Variants in RYR2 observed in about 807,000 individuals in gnomAD.
RYR2 encodes the protein cardiac muscle ryanodine receptor-calcium release channel.
A neutral mutation model predicts 601.1 loss-of-function variants in RYR2; 227 were observed. The ratio of observed to expected loss-of-function variants is 0.38; its 90% CI spans 0.34 to 0.42. The LOEUF (loss-of-function observed/expected upper bound fraction) is 0.42. RYR2 is among the 10% of genes least tolerant of loss of function. RYR2 has a pLI of 1.00. For synonymous variants in RYR2, 2,223 were observed against 2,175.1 expected, an observed-to-expected ratio of 1.02 and a Z score of -0.61; for missense variants, 4,646 against 6,156.5, an observed-to-expected ratio of 0.75 and a Z score of 8.21.
chr1:237,331,597 G>C (rs577832545), intron 3 of RYR2, among the ~76,000 whole-genome samples: 7 of 152,020 alleles, frequency 4.6e-5, no homozygotes, highest in African/African-American at 1.7e-4. Context: ...CTGCCTCCCG[G>C]GTTCATGCCA....
intron 100 of RYR2, among the ~76,000 whole-genome samples, chr1:237,811,805 G>A (rs895141485): frequency 6.6e-6 from 1 of 152,082 alleles, no homozygotes; most frequent in Non-Finnish European, 1.5e-5. Context: ...TTCCTGTCAC[G>A]ATTGCCGTTC....
At chr1:237,659,403 A>G (rs572643639) in intron 54 of RYR2, among the ~76,000 whole-genome samples, 1 of 152,348 alleles carries the variant, frequency 6.6e-6, no homozygotes, top group South Asian at 2.1e-4. Flanking sequence ...AAGAAATTAT[A>G]TAGGGAAATG....
intron 4 of RYR2, among the ~76,000 whole-genome samples, chr1:237,361,949 A>G (rs555502304): frequency 6.6e-6 from 1 of 152,306 alleles, no homozygotes; most frequent in East Asian, 1.9e-4. Context: ...TTTTAGATCT[A>G]CTACACTGAG....
chr1:237,212,728 C>T (rs1050410738), intron 1 of RYR2, among the ~76,000 whole-genome samples: 18 of 152,278 alleles, frequency 1.2e-4, no homozygotes, highest in Non-Finnish European at 2.2e-4. Flanking sequence ...CATTCCAACA[C>T]ATGGAAAATA....
intron 14 of RYR2, among the ~76,000 whole-genome samples, chr1:237,451,481 C>T (rs6429017): frequency 0.52 from 79,017 of 150,524 alleles, 22,057 homozygotes; most frequent in East Asian, 0.74. Context: ...GGCTAAGGCT[C>T]GAGAATCACT....
chr1:237,700,308 A>G lies in RYR2; in HGVS notation c.9208A>G (p.Lys3070Glu). 1 of 1,594,298 alleles carries G rather than the reference A, an allele frequency of 6.3e-7. No homozygotes were observed. The highest frequency in any genetic ancestry group is 8.5e-7 in the Non-Finnish European group (1 of 1,169,714). Residue 3070 changes from lysine to glutamate, a missense_variant, in exon 65 of 105, where the codon AAG becomes GAG. By Grantham distance (56) the Lys-to-Glu change is moderately conservative (BLOSUM62 1). Transcript: ENST00000366574. The part of the protein sequence containing the change: ...FLDNAAEDLE[K>E]TMENLKQGQF... ...GGACAACGCTGCAGAGGATCTGGAGAAGACCATGGAAAACCTCAAGCAGGG... is the reference window on the plus strand; with the variant it reads ...GGACAACGCTGCAGAGGATCTGGAGGAGACCATGGAAAACCTCAAGCAGGG...
At chr1:237,300,918 A>G (rs767810511) in intron 2 of RYR2, among the ~76,000 whole-genome samples, 17 of 152,126 alleles carry the variant, frequency 1.1e-4, no homozygotes, top group African/African-American at 1.4e-4. Flanking sequence ...CTGTCTTACA[A>G]TAATCGAAGT....
intron 1 of RYR2, among the ~76,000 whole-genome samples, chr1:237,215,076 G>C (rs1232848894): frequency 6.6e-6 from 1 of 152,188 alleles, no homozygotes; most frequent in Non-Finnish European, 1.5e-5. Context: ...CTGTGGATAA[G>C]AACTGGCAAC....
At chr1:237,803,536 G>A (rs1381623193) in intron 98 of RYR2, among the ~76,000 whole-genome samples, 3 of 152,042 alleles carry the variant, frequency 2.0e-5, no homozygotes, top group East Asian at 1.9e-4. Context: ...TCCTGACCTC[G>A]TGAACCGACC....
At chr1:237,452,691 G>A (rs1319813081) in intron 14 of RYR2, among the ~76,000 whole-genome samples, 1 of 150,610 alleles carries the variant, frequency 6.6e-6, no homozygotes, top group African/African-American at 2.4e-5. Flanking sequence ...ATTACAAAAT[G>A]TAGCCACAAG....
rs754549931 is a variant in RYR2 at position 237,503,277 on chromosome 1, C to T, written c.2397-12C>T. Reference sequence around the variant, plus strand: ...CAGAGATAAAATTGACTCTAACGTGCATCCTCTTTAGAGTACGCTTTCTGC... The same window carrying T: ...CAGAGATAAAATTGACTCTAACGTGTATCCTCTTTAGAGTACGCTTTCTGC... On this transcript the variant is annotated splice_polypyrimidine_tract_variant and intron_variant, in intron 21 of 104. Coordinates refer to ENST00000366574, the MANE Select transcript of RYR2 (RefSeq NM_001035.3). 97 of 1,586,228 alleles carry T rather than the reference C, an allele frequency of 6.1e-5. No individual in the cohort carries two copies. Among genetic ancestry groups the T allele is most frequent in the Non-Finnish European group, 8.2e-5 (96 of 1,163,964 alleles).
At chr1:237,672,674 TAA>T (rs1685060121) in intron 58 of RYR2, among the ~76,000 whole-genome samples, 1 of 152,224 alleles carries the variant, frequency 6.6e-6, no homozygotes, top group South Asian at 2.1e-4. Context: ...AGTATCCTTA[TAA>T]AGTGTCCTGT....
chr1:237,212,480 T>C (rs1405732075), intron 1 of RYR2, among the ~76,000 whole-genome samples: 2 of 152,128 alleles, frequency 1.3e-5, no homozygotes, highest in Non-Finnish European at 2.9e-5. Flanking sequence ...CTACTGGGCT[T>C]GGTGGCTCCA....
At chr1:237,311,657 T>A (rs1215547621) in intron 2 of RYR2, among the ~76,000 whole-genome samples, 1 of 151,912 alleles carries the variant, frequency 6.6e-6, no homozygotes, top group Non-Finnish European at 1.5e-5. Context: ...TTTTTTTTTT[T>A]AAGTAGAGTT....
At chr1:237,779,924 GGTGTAAAT>G (rs535248059) in intron 88 of RYR2, among the ~76,000 whole-genome samples, 119 of 152,304 alleles carry the variant, frequency 7.8e-4, no homozygotes, top group African/African-American at 2.7e-3. Context: ...AAGGTTCATT[GGTGTAAAT>G]GTGATTAGAC....
chr1:237,818,452 G>A (rs888369928), intron 100 of RYR2, among the ~76,000 whole-genome samples: 3 of 152,082 alleles, frequency 2.0e-5, no homozygotes, highest in Non-Finnish European at 2.9e-5. Flanking sequence ...AGCTGTACTT[G>A]TTGGTGGCTT....
chr1:237,740,733 G>A (rs980106322), intron 79 of RYR2, among the ~76,000 whole-genome samples: 3 of 152,130 alleles, frequency 2.0e-5, no homozygotes, highest in Admixed American at 6.5e-5. Context: ...TGCATAGAGA[G>A]TAAGCATGCT....
chr1:237,638,211 A>G, intron 44 of RYR2, 146 bp from the exon 45 acceptor site: 1 of 888,440 alleles, frequency 1.1e-6, no homozygotes, highest in Non-Finnish European at 1.7e-6. Context: ...AGGGAGTTCA[A>G]GTAGATTATC....
chr1:237,084,320 C>T (rs1404609428), intron 1 of RYR2, among the ~76,000 whole-genome samples: 2 of 152,066 alleles, frequency 1.3e-5, no homozygotes, highest in Admixed American at 6.6e-5. Flanking sequence ...CTAATGCTCC[C>T]GCTAATGTTA....
Sources: allele counts gnomAD v4.1 joint callset (sites outside exome capture counted in the v4.1 genomes callset), GRCh38; gene constraint gnomAD v4.1.1; transcripts MANE v1.5; gene names NCBI Gene and HGNC (gene_info 2026-07-23, HGNC 2026-07-21).